The following SIRPB2 variants were observed in gnomAD, a reference collection of about 807,000 sequenced individuals.
The protein encoded by SIRPB2 is signal regulatory protein beta 2.
Under a neutral mutation model 27.1 loss-of-function variants are expected in SIRPB2, and 18 were observed. The ratio of observed to expected loss-of-function variants is 0.66; its 90% CI spans 0.46 to 0.98. SIRPB2 has a LOEUF of 0.98. Among genes scored for constraint, SIRPB2 ranks in the 50% least tolerant of loss-of-function variants. The pLI, the probability that SIRPB2 is intolerant of heterozygous loss-of-function variation, is 0.00. For synonymous variants in SIRPB2, 150 were observed against 164.6 expected, an observed-to-expected ratio of 0.91 and a Z score of 0.68; for missense variants, 420 against 417.4, an observed-to-expected ratio of 1.01 and a Z score of -0.06.
intron 2 of SIRPB2, chr20:1,479,299 C>T: frequency 4.3e-6 from 1 of 232,506 alleles, no homozygotes; most frequent in Non-Finnish European, 8.5e-6. Flanking sequence ...TAATAGGGTA[C>T]ATCCACACTC....
chr20:1,478,558 C>CAATTACTGGGGCT lies in SIRPB2; in HGVS notation c.500_501insAGCCCCAGTAATT (p.Val168AlafsTer61). On this transcript the variant is annotated frameshift_variant, in exon 3 of 5. Transcript: ENST00000359801. LOFTEE classifies it high-confidence loss of function. ...CAGTGTCTCCAGTGGTCCCCAACAC[C>CAATTACTGGGGCT]AATTCCTGGGGCTGGATGATCCACA... 1 of 1,608,624 alleles carries CAATTACTGGGGCT rather than the reference C, an allele frequency of 6.2e-7. No individual in the cohort carries two copies. The highest frequency in any genetic ancestry group is 8.5e-7 in the Non-Finnish European group (1 of 1,176,058).
chr20:1,477,543 G>A (rs1166642737), intron 3 of SIRPB2, 140 bp from the exon 4 acceptor site: 1 of 1,430,456 alleles, frequency 7.0e-7, no homozygotes, highest in African/African-American at 1.4e-5. Flanking sequence ...CTGCAGCTAT[G>A]AAGGACAAAG....
Position 1,477,395 on chromosome 20 carries a change from T to G in SIRPB2, c.802A>C (p.Thr268Pro). The change falls in exon 4 of 5, where the codon ACC becomes CCC. Residue 268 changes from threonine (T) to proline (P), a missense_variant. Coordinates refer to ENST00000359801, the MANE Select transcript of SIRPB2 (RefSeq NM_001122962.2). ...GTGAATTCTGCCTCTTTGGAAGAGGTAGATTTTGCTGCAAGGGAGAGAGGC... is the reference window on the plus strand; with the variant it reads ...GTGAATTCTGCCTCTTTGGAAGAGGGAGATTTTGCTGCAAGGGAGAGAGGC... ...GTSLKVKAKS[T>P]SSKEAEFTSE... is the part of the protein sequence containing the mutation. 6.2e-7 allele frequency: 1 copy of G among 1,612,658 alleles called. No individual in the cohort carries two copies.
intron 1 of SIRPB2, among the ~76,000 whole-genome samples, chr20:1,487,961 A>G (rs969973109): frequency 2.6e-5 from 4 of 152,266 alleles, no homozygotes; most frequent in African/African-American, 9.6e-5. Context: ...TCATATAACT[A>G]AACATAAAAT....
At chr20:1,471,772 G>T (rs1470767820), downstream of SIRPB2, among the ~76,000 whole-genome samples, 2 of 152,196 alleles carry the variant, frequency 1.3e-5, no homozygotes, top group African/African-American at 4.8e-5. Flanking sequence ...GGAAGCCCCT[G>T]TCAAATGGTG....
intron 2 of SIRPB2, among the ~76,000 whole-genome samples, chr20:1,478,941 G>C (rs952259618): frequency 2.6e-5 from 4 of 152,228 alleles, no homozygotes; most frequent in African/African-American, 9.7e-5. Context: ...CACCATCATA[G>C]CTCGGAAGAA....
chr20:1,490,150 A>T (rs564215931), intron 1 of SIRPB2, among the ~76,000 whole-genome samples: 1 of 152,350 alleles, frequency 6.6e-6, no homozygotes, highest in South Asian at 2.1e-4. Flanking sequence ...AACATAGCAG[A>T]CACTCAAAAG....
At position 1,476,319 on chromosome 20, in the gene SIRPB2, C is replaced by G. The variant is rs199625818; in HGVS notation, c.877G>C (p.Ala293Pro). 6.2e-7 allele frequency: 1 copy of G among 1,612,266 alleles called. No homozygotes were observed. The highest frequency in any genetic ancestry group is 1.1e-5 in the South Asian group (1 of 90,968). ...MSPTGLLVVF[A>P]PVVLGLKAIT... ...GCCTTCAGCCCCAGGACCACAGGTG[C>G]GAACACAACCAGGAGGCCTGGGAGG... The change falls in exon 5 of 5, where the codon GCA becomes CCA. Residue 293 changes from alanine (A) to proline (P), a missense_variant. Physicochemically the swap from Ala to Pro is conservative, Grantham distance 27. Coordinates refer to ENST00000359801, the MANE Select transcript of SIRPB2 (RefSeq NM_001122962.2).
intron 1 of SIRPB2, among the ~76,000 whole-genome samples, chr20:1,485,807 A>G (rs967326658): frequency 1.3e-5 from 2 of 152,116 alleles, no homozygotes; most frequent in African/African-American, 2.4e-5. Context: ...TGGTGATACT[A>G]CTACAGATTT....
At position 1,479,930 on chromosome 20, in the gene SIRPB2, A is replaced by C. The variant is rs762675783; in HGVS notation, c.221T>G (p.Val74Gly). ...CTGTTGGTCCTGAGTGCTCACCTTCACCCATTTTATCATACCATCAGTGCA... is the reference window on the plus strand; with the variant it reads ...CTGTTGGTCCTGAGTGCTCACCTTCCCCCATTTTATCATACCATCAGTGCA... ...GSCTDGMIKW[V>G]KVSTQDQQEI... The change falls in exon 2 of 5, where the codon GTG becomes GGG. Residue 74 changes from valine (V) to glycine (G), a missense_variant. Transcript: ENST00000359801. 2.5e-6 allele frequency: 4 copies of C among 1,614,106 alleles called. No individual in the cohort carries two copies. In the Admixed American group the frequency reaches 6.7e-5, roughly 27 times the overall value.
At chr20:1,480,229 G>A in intron 1 of SIRPB2, 164 bp from the exon 2 acceptor site, 1 of 930,768 alleles carries the variant, frequency 1.1e-6, no homozygotes, top group African/African-American at 1.7e-5. Flanking sequence ...ATGGCTGGCT[G>A]CAGAGAGAGA....
chr20:1,472,606 C>T (rs185526365), downstream of SIRPB2: 2 of 152,278 alleles, frequency 1.3e-5, no homozygotes, highest in Admixed American at 1.3e-4. Flanking sequence ...TCTTATGTGC[C>T]AGGTGCTGCA....
chr20:1,484,704 A>T (rs528295080), intron 1 of SIRPB2, among the ~76,000 whole-genome samples: 2 of 146,522 alleles, frequency 1.4e-5, no homozygotes, highest in African/African-American at 5.4e-5. Context: ...AAAAAAAAAA[A>T]CAAAATAAAT....
At chr20:1,481,831 C>T (rs960426944) in intron 1 of SIRPB2, among the ~76,000 whole-genome samples, 4 of 152,176 alleles carry the variant, frequency 2.6e-5, no homozygotes, top group African/African-American at 9.7e-5. Flanking sequence ...CTAGTCAGAT[C>T]TGTTATCACT....
chr20:1,474,293 T>C (rs1250262885), downstream of SIRPB2, among the ~76,000 whole-genome samples: 1 of 152,176 alleles, frequency 6.6e-6, no homozygotes, highest in Non-Finnish European at 1.5e-5. Flanking sequence ...CATGGATATC[T>C]TTGGGGTGGG....
At position 1,476,042 on chromosome 20, in the gene SIRPB2, G is replaced by T; in HGVS notation, c.*125C>A. On this transcript the variant is annotated 3_prime_UTR_variant, in exon 5 of 5. Coordinates refer to ENST00000359801, the MANE Select transcript of SIRPB2 (RefSeq NM_001122962.2). The stretch of plus-strand genomic sequence containing the variant: ...TTCACTAGGTGGACCAAAACCAGAT[G>T]TAGGGATCTAGGAGTTTGTCATGAG... 9.3e-7 allele frequency: 1 copy of T among 1,071,006 alleles called. No individual in the cohort carries two copies. Among genetic ancestry groups the T allele is most frequent in the Non-Finnish European group, 1.4e-6 (1 of 732,778 alleles). 66.3% of individuals were successfully genotyped at this position (1,071,006 alleles called of 1,614,324 possible).
rs1350238974 is a variant in SIRPB2 at position 1,480,037 on chromosome 20, G to C, written c.114C>G (p.Asp38Glu). ...SDASGQSSRN[D>E]WQVLQPEGPM... ...GGCCCTCGGGCTGTAGCACCTGCCA[G>C]TCATTCCTGCTGCTCTGCCCAGAGG... The change falls in exon 2 of 5, where the codon GAC (aspartate) becomes GAG (glutamate). Residue 38 changes from aspartate to glutamate, a missense_variant. Physicochemically the swap from Asp to Glu is conservative, Grantham distance 45 (BLOSUM62 2). Transcript: ENST00000359801. 2.5e-6 allele frequency: 4 copies of C among 1,613,282 alleles called. No individual in the cohort carries two copies. In the South Asian group the frequency reaches 4.4e-5, roughly 18 times the overall value.
downstream of SIRPB2, chr20:1,470,874 A>G: frequency 6.6e-6 from 1 of 152,224 alleles, no homozygotes; most frequent in East Asian, 1.9e-4. Context: ...TGCACGAATA[A>G]TCATGTAAGA....
In SIRPB2 at chr20:1,475,781, T is replaced by TAAAGAA; in HGVS notation, c.*385_*386insTTCTTT. The TAAAGAA allele has an allele frequency of 2.9e-5, 4 of 137,434 alleles. No homozygotes were observed. The highest frequency in any genetic ancestry group is 1.8e-4 in the South Asian group (1 of 5,616). The allele number at this position is 137,434 out of a possible 1,614,324, so 8.5% of individuals were successfully genotyped here. On this transcript the variant is annotated 3_prime_UTR_variant, in exon 5 of 5. Coordinates refer to ENST00000359801, the MANE Select transcript of SIRPB2 (RefSeq NM_001122962.2). Reference sequence around the variant, plus strand: ...GAGGGGCACAGATGGTCTGGCTGGTTGAGTTCAGAGATTCTTACAGACATC... The same window carrying TAAAGAA: ...GAGGGGCACAGATGGTCTGGCTGGTTAAAGAAGAGTTCAGAGATTCTTACAGACATC...
Sources: gnomAD v4.1 joint callset for allele counts (sites outside exome capture counted in the v4.1 genomes callset) on GRCh38, gnomAD v4.1.1 for gene constraint, MANE v1.5 for transcripts, NCBI Gene and HGNC (gene_info 2026-07-23, HGNC 2026-07-21) for gene names.